The following WASHC5 variants were observed in gnomAD, a reference collection of about 807,000 sequenced individuals.
WASHC5 encodes the protein WASH complex subunit 5.
In WASHC5, 101 loss-of-function variants were observed where a neutral mutation model predicts 150.4. The ratio of observed to expected loss-of-function variants is 0.67; its 90% CI spans 0.57 to 0.79. WASHC5 has a LOEUF of 0.79. Ranked by LOEUF, WASHC5 falls within the 30% of genes least tolerant of loss-of-function variation. WASHC5 has a pLI of 0.00. For synonymous variants in WASHC5, 467 were observed against 491.2 expected (o/e 0.95, Z 0.65); for missense variants, 1,195 against 1,396.3 (o/e 0.86, Z 2.30).
chr8:125,024,675 T>C lies in WASHC5; in HGVS notation c.3424-2A>G. 1 of 1,599,006 alleles carries C rather than the reference T, an allele frequency of 6.3e-7. No homozygotes were observed. The highest frequency in any genetic ancestry group is 8.6e-7 in the Non-Finnish European group (1 of 1,166,404). ...ATTAGGCACATGTGCTTCAGCAACC[T>C]GAAAAATTAAAGAATTAAATTATTC... On this transcript the variant is annotated splice_acceptor_variant, in intron 28 of 28. Coordinates refer to ENST00000318410, the MANE Select transcript of WASHC5 (RefSeq NM_014846.4). LOFTEE classifies it high-confidence loss of function.
intron 17 of WASHC5, among the ~76,000 whole-genome samples, chr8:125,053,137 T>C (rs1816297285): frequency 6.6e-6 from 1 of 151,534 alleles, no homozygotes; most frequent in African/African-American, 2.4e-5. Context: ...TAACAATGAA[T>C]GCTTATATCT....
intron 7 of WASHC5, among the ~76,000 whole-genome samples, chr8:125,076,018 T>C (rs2130176926): frequency 6.6e-6 from 1 of 152,316 alleles, no homozygotes; most frequent in East Asian, 1.9e-4. Context: ...TTGGCTATCT[T>C]AGATTCAGAA....
intron 20 of WASHC5, 115 bp downstream of exon 20, chr8:125,047,092 T>G: frequency 4.9e-5 from 62 of 1,266,104 alleles, no homozygotes; most frequent in Non-Finnish European, 6.2e-5. Flanking sequence ...GGTCAGAATA[T>G]GAGTTGACAA....
At position 125,055,041 on chromosome 8, in the gene WASHC5, C is replaced by T. The variant is rs140702476; in HGVS notation, c.2097+550G>A. 2.4e-3 allele frequency among the ~76,000 whole-genome samples: 366 copies of T among 151,922 alleles called. 1 individual carries two copies. Among genetic ancestry groups the T allele is most frequent in the African/African-American group, 8.1e-3 (336 of 41,428 alleles). ...AAACAGTACTAGCACCACACATTTT[C>T]TGCAGAACTACAAGATAAAGAAATT... On this transcript the variant is annotated intron_variant, in intron 17 of 28. Transcript: ENST00000318410.
chr8:125,085,693 T>C (rs550113313), intron 1 of WASHC5, among the ~76,000 whole-genome samples: 1 of 152,268 alleles, frequency 6.6e-6, no homozygotes, highest in African/African-American at 2.4e-5. Context: ...CCCATCCCTT[T>C]CCTTCCCACT....
chr8:125,056,551 A>C, intron 16 of WASHC5, 126 bp downstream of exon 16: 2 of 1,098,268 alleles, frequency 1.8e-6, no homozygotes, highest in South Asian at 1.3e-5. Flanking sequence ...TTACCATTGC[A>C]AATGTGAGAC....
At chr8:125,090,532 A>ATATTTTCT (rs1485700056) in intron 1 of WASHC5, among the ~76,000 whole-genome samples, 1 of 152,184 alleles carries the variant, frequency 6.6e-6, no homozygotes, top group African/African-American at 2.4e-5. Flanking sequence ...AGATCCCACT[A>ATATTTTCT]TATTTTCTTA....
At chr8:125,073,091 G>T (rs138100660) in intron 9 of WASHC5, 62 bp downstream of exon 9, 2 of 1,527,508 alleles carry the variant, frequency 1.3e-6, no homozygotes, top group African/African-American at 1.4e-5. Context: ...TCGTGAAGTA[G>T]GTCCTGATTC....
chr8:125,055,612 C>A lies in WASHC5; in HGVS notation c.2076G>T (p.Thr692=), dbSNP rs746121315. 6.2e-7 allele frequency: 1 copy of A among 1,611,490 alleles called. No homozygotes were observed. Among genetic ancestry groups the A allele is most frequent in the Non-Finnish European group, 8.5e-7 (1 of 1,177,668 alleles). ...TTACCTTGATGATGCCAACCAAAGTCGTTTTCATCATTAAGATGCCTTCAG... is the reference window on the plus strand; with the variant it reads ...TTACCTTGATGATGCCAACCAAAGTAGTTTTCATCATTAAGATGCCTTCAG... ...IFTEGILMMK[T]TLVGIIKVDP... The change falls in exon 17 of 29, where the codon ACG becomes ACT. Residue 692 remains threonine, a synonymous_variant. Transcript: ENST00000318410.
intron 9 of WASHC5, among the ~76,000 whole-genome samples, chr8:125,070,764 G>GTAT (rs1816874776): frequency 6.6e-6 from 1 of 152,214 alleles, no homozygotes; most frequent in African/African-American, 2.4e-5. Flanking sequence ...AATTGTAAAT[G>GTAT]GATATAGGCC....
Position 125,083,342 on chromosome 8 carries a change from CTTATG to C in WASHC5, c.187-89_187-85del, listed in dbSNP as rs1196818851. 5.4e-5 allele frequency: 73 copies of C among 1,340,986 alleles called. 1 individual carries two copies. The highest frequency in any genetic ancestry group is 7.2e-5 in the Non-Finnish European group (69 of 953,694). The allele number at this position is 1,340,986 out of a possible 1,614,324, so 83.1% of individuals were successfully genotyped here. A position where few individuals can be genotyped will look rare whatever the true frequency, so the allele number is the denominator to read the frequency against. ...CTAAATAGTCTTTTAAAAATTTGTT[CTTATG>C]TTATTAGACATCCCAAACTTAAAGC... On this transcript the variant is annotated intron_variant, in intron 2 of 28. Coordinates refer to ENST00000318410, the MANE Select transcript of WASHC5 (RefSeq NM_014846.4).
chr8:125,060,229 G>A (rs1393510551), intron 12 of WASHC5, among the ~76,000 whole-genome samples: 2 of 151,792 alleles, frequency 1.3e-5, no homozygotes, highest in Admixed American at 6.6e-5. Context: ...GCTCATGCCT[G>A]TAATCCCAGC....
chr8:125,059,650 G>C lies in WASHC5; in HGVS notation c.1522-108C>G, dbSNP rs902864101. On this transcript the variant is annotated intron_variant, in intron 12 of 28. Transcript: ENST00000318410. The stretch of plus-strand genomic sequence containing the variant: ...AGCACACTACTTCTGACAATTTCTT[G>C]ATAAAGTTTTTATTTCAAATTATAA... 6.2e-5 allele frequency: 49 copies of C among 794,558 alleles called. No individual in the cohort carries two copies. The African/African-American group carries it at 7.9e-4, about 13-fold the overall frequency. The allele number at this position is 794,558 out of a possible 1,614,324, so 49.2% of individuals were successfully genotyped here. A position where few individuals can be genotyped will look rare whatever the true frequency, so the allele number is the denominator to read the frequency against.
At position 125,064,627 on chromosome 8, in the gene WASHC5, C is replaced by G. The variant is rs529078596; in HGVS notation, c.1279-976G>C. ...GGTTGGGTTTTTTTTTTTTCTGAAA[C>G]AAACTTAAAAAACATACTTATTTCT... On this transcript the variant is annotated intron_variant, in intron 10 of 28. Coordinates refer to ENST00000318410, the MANE Select transcript of WASHC5 (RefSeq NM_014846.4). Among the ~76,000 whole-genome samples the G allele has an allele frequency of 8.6e-4, 129 of 149,508 alleles. 1 individual carries two copies. Among genetic ancestry groups the G allele is most frequent in the African/African-American group, 2.8e-3 (114 of 40,752 alleles).
chr8:125,072,817 G>A (rs1317940577), intron 9 of WASHC5, among the ~76,000 whole-genome samples: 1 of 152,048 alleles, frequency 6.6e-6, no homozygotes, highest in African/African-American at 2.4e-5. Flanking sequence ...TCTGGGTGTG[G>A]GCTGGAAGGC....
intron 17 of WASHC5, 67 bp downstream of exon 17, chr8:125,055,524 A>T: frequency 1.1e-6 from 1 of 920,492 alleles, no homozygotes; most frequent in South Asian, 1.3e-5. Flanking sequence ...ACACATGATA[A>T]TTACCACAAA....
At chr8:125,077,912 A>G (rs79888171) in intron 6 of WASHC5, among the ~76,000 whole-genome samples, 8 of 152,128 alleles carry the variant, frequency 5.3e-5, no homozygotes, top group African/African-American at 1.9e-4. Flanking sequence ...AACAACAACA[A>G]CAACACCACC....
At position 125,044,518 on chromosome 8, in the gene WASHC5, GAAAGTCA is replaced by G. The variant is rs1815997401; in HGVS notation, c.2667+11_2667+17del. On this transcript the variant is annotated intron_variant, in intron 21 of 28. Coordinates refer to ENST00000318410, the MANE Select transcript of WASHC5 (RefSeq NM_014846.4). ...CCCCAGGGTGGCAGAAAACAGGCAT[GAAAGTCA>G]AAAGGCTCACCTGTAACTCTTTTAC... 3 of 1,613,746 alleles carry G rather than the reference GAAAGTCA, an allele frequency of 1.9e-6. No homozygotes were observed. The South Asian group carries it at 3.3e-5, about 18-fold the overall frequency.
At chr8:125,048,807 C>T (rs969315547) in intron 19 of WASHC5, among the ~76,000 whole-genome samples, 199 bp downstream of exon 19, 6 of 152,130 alleles carry the variant, frequency 3.9e-5, no homozygotes, top group African/African-American at 1.4e-4. Context: ...TTAATGATGT[C>T]TGCCTTCTTA....
Sources: gnomAD v4.1 joint callset for allele counts (sites outside exome capture counted in the v4.1 genomes callset) on GRCh38, gnomAD v4.1.1 for gene constraint, MANE v1.5 for transcripts, NCBI Gene and HGNC (gene_info 2026-07-23, HGNC 2026-07-21) for gene names.